The following RIT2 variants were observed in gnomAD, a reference collection of about 807,000 sequenced individuals.
The protein encoded by RIT2 is Ras like without CAAX 2, also known as GTP-binding protein Rit2.
RIT2 carries 24 observed loss-of-function variants against 23.7 expected under a neutral mutation model. The observed-to-expected ratio is 1.01, with a 90% CI of 0.73 to 1.43. RIT2 has a LOEUF of 1.43. Ranked by LOEUF, RIT2 falls within the 40% of genes most tolerant of loss-of-function variation. RIT2 has a pLI of 0.00. For missense variants in RIT2, 236 were observed against 266.9 expected, an observed-to-expected ratio of 0.88 and a Z score of 0.81; for synonymous variants, 107 against 91.1, an observed-to-expected ratio of 1.17 and a Z score of -0.99.
intron 3 of RIT2, among the ~76,000 whole-genome samples, chr18:42,933,329 C>T (rs144621551): frequency 6.6e-6 from 1 of 152,152 alleles, no homozygotes; most frequent in East Asian, 1.9e-4. Context: ...CATGCCTGTA[C>T]AATGAAAATC....
At chr18:42,799,385 C>T (rs943112107) in intron 4 of RIT2, among the ~76,000 whole-genome samples, 1 of 152,154 alleles carries the variant, frequency 6.6e-6, no homozygotes, top group African/African-American at 2.4e-5. Context: ...TCTTTCATAT[C>T]CATTTGAATG....
At chr18:42,862,329 G>GT (rs1462230368) in intron 4 of RIT2, among the ~76,000 whole-genome samples, 13 of 152,104 alleles carry the variant, frequency 8.5e-5, no homozygotes, top group Admixed American at 5.2e-4. Context: ...CGCCATGATT[G>GT]TAAGTTTCCT....
intron 4 of RIT2, among the ~76,000 whole-genome samples, chr18:42,858,983 T>C (rs1479118093): frequency 6.6e-6 from 1 of 152,226 alleles, no homozygotes; most frequent in Non-Finnish European, 1.5e-5. Context: ...GTGTTCACTT[T>C]TGGGGTATTA....
chr18:42,900,882 G>T (rs1289224060), intron 4 of RIT2, among the ~76,000 whole-genome samples: 1 of 152,096 alleles, frequency 6.6e-6, no homozygotes, highest in African/African-American at 2.4e-5. Context: ...GGCTCTCAAA[G>T]TGTGAAACAC....
At chr18:42,810,650 T>C (rs571099598) in intron 4 of RIT2, among the ~76,000 whole-genome samples, 63 of 152,034 alleles carry the variant, frequency 4.1e-4, no homozygotes, top group Middle Eastern at 3.4e-3. Flanking sequence ...ACTGCTTGCC[T>C]TTCAAAAACC....
intron 4 of RIT2, among the ~76,000 whole-genome samples, chr18:42,830,819 T>C (rs1364479475): frequency 6.6e-6 from 1 of 152,202 alleles, no homozygotes; most frequent in Non-Finnish European, 1.5e-5. Flanking sequence ...TTTTTGGTGA[T>C]AATCTGTTCC....
At chr18:42,802,502 G>A (rs1296299704) in intron 4 of RIT2, among the ~76,000 whole-genome samples, 1 of 152,162 alleles carries the variant, frequency 6.6e-6, no homozygotes, top group Non-Finnish European at 1.5e-5. Flanking sequence ...AACTGATATG[G>A]AAGACCAATG....
At chr18:43,059,383 C>T (rs1428298989) in intron 1 of RIT2, among the ~76,000 whole-genome samples, 1 of 152,058 alleles carries the variant, frequency 6.6e-6, no homozygotes, top group Non-Finnish European at 1.5e-5. Context: ...GTTATTCTTG[C>T]TTTGGGTAGA....
At chr18:43,005,820 A>C (rs1278886958) in intron 2 of RIT2, among the ~76,000 whole-genome samples, 1 of 151,772 alleles carries the variant, frequency 6.6e-6, no homozygotes, top group African/African-American at 2.4e-5. Context: ...GGTAGACAAC[A>C]TGAGGTCTGA....
chr18:42,957,811 T>C (rs1910007988), intron 3 of RIT2, among the ~76,000 whole-genome samples: 1 of 152,146 alleles, frequency 6.6e-6, no homozygotes. Context: ...ATTAATTGAT[T>C]CATTAATTAA....
At chr18:43,059,172 T>C (rs1912581726) in intron 1 of RIT2, among the ~76,000 whole-genome samples, 1 of 152,164 alleles carries the variant, frequency 6.6e-6, no homozygotes, top group Non-Finnish European at 1.5e-5. Flanking sequence ...TTAGTATTTA[T>C]TGAGGACATA....
chr18:42,801,606 A>C (rs1233906354), intron 4 of RIT2, among the ~76,000 whole-genome samples: 1 of 152,224 alleles, frequency 6.6e-6, no homozygotes, highest in Non-Finnish European at 1.5e-5. Context: ...TTCCCATCTG[A>C]AATTCTGCAG....
intron 3 of RIT2, among the ~76,000 whole-genome samples, chr18:42,954,616 T>A (rs1193008179): frequency 1.3e-5 from 2 of 152,050 alleles, no homozygotes; most frequent in Admixed American, 1.3e-4. Context: ...TTTTGAGCCA[T>A]CTCCTACTTG....
intron 3 of RIT2, among the ~76,000 whole-genome samples, chr18:42,943,290 G>A (rs545271281): frequency 2.0e-5 from 3 of 152,210 alleles, no homozygotes; most frequent in Admixed American, 2.0e-4. Flanking sequence ...ACAGCATGCT[G>A]ATTGGTGCAT....
chr18:42,863,067 C>T (rs1225779392), intron 4 of RIT2, among the ~76,000 whole-genome samples: 2 of 151,486 alleles, frequency 1.3e-5, no homozygotes, highest in Non-Finnish European at 2.9e-5. Context: ...ACTGTTGTAC[C>T]TCCAACAACA....
chr18:42,977,562 ACT>A (rs1178156059), intron 2 of RIT2, among the ~76,000 whole-genome samples: 1 of 151,888 alleles, frequency 6.6e-6, no homozygotes, highest in Non-Finnish European at 1.5e-5. Context: ...ATGGTGAGTA[ACT>A]CTCACAAATC....
rs532633441 is a variant in RIT2, at chr18:42,780,783, A to G, written c.427-37063T>C. On this transcript the variant is annotated intron_variant, in intron 4 of 4. Transcript: ENST00000326695. The stretch of plus-strand genomic sequence containing the variant: ...AGGAAAGTGTAATGCGCCATGTCTG[A>G]CTCACTTTCCCTCATAGCCTGAACT... Among the ~76,000 whole-genome samples the G allele has an allele frequency of 2.0e-5, 3 of 147,648 alleles. No homozygotes were observed. The East Asian group carries it at 6.0e-4, about 30-fold the overall frequency.
At chr18:42,753,065 A>G (rs1044391090) in intron 4 of RIT2, among the ~76,000 whole-genome samples, 1 of 152,084 alleles carries the variant, frequency 6.6e-6, no homozygotes, top group African/African-American at 2.4e-5. Flanking sequence ...CTGCCAGAGG[A>G]GGCATTAGAA....
chr18:42,888,188 G>C (rs1908072645), intron 4 of RIT2, among the ~76,000 whole-genome samples: 2 of 151,938 alleles, frequency 1.3e-5, no homozygotes, highest in South Asian at 4.2e-4. Flanking sequence ...TAGGTTTATA[G>C]TTTGTAACGA....
Sources: allele counts gnomAD v4.1 joint callset (sites outside exome capture counted in the v4.1 genomes callset), GRCh38; gene constraint gnomAD v4.1.1; transcripts MANE v1.5; gene names NCBI Gene and HGNC (gene_info 2026-07-23, HGNC 2026-07-21).